COL3A1: variants seen among roughly 807,000 people sequenced by gnomAD.
COL3A1 encodes collagen type III alpha 1 chain.
Under a neutral mutation model 200.9 loss-of-function variants are expected in COL3A1, and 46 were observed. The ratio of observed to expected loss-of-function variants is 0.23; its 90% CI spans 0.18 to 0.29. The LOEUF (loss-of-function observed/expected upper bound fraction) is 0.29, where lower values mean the gene tolerates loss of function less well. COL3A1 is among the 10% of genes least tolerant of loss of function. COL3A1 has a pLI of 1.00. For synonymous variants in COL3A1, 650 were observed against 628.0 expected, an observed-to-expected ratio of 1.03 and a Z score of -0.52; for missense variants, 1,367 against 1,917.6, an observed-to-expected ratio of 0.71 and a Z score of 5.36.
intron 28 of COL3A1, 66 bp downstream of exon 28, chr2:188,998,385 A>G (rs1688376493): frequency 7.3e-7 from 1 of 1,362,506 alleles, no homozygotes; most frequent in African/African-American, 1.4e-5. Flanking sequence ...TTTGTCAACT[A>G]TTAACTTCTT....
chr2:189,008,268 C>T (rs920186890), intron 47 of COL3A1, 126 bp downstream of exon 47: 2 of 818,214 alleles, frequency 2.4e-6, no homozygotes, highest in East Asian at 5.3e-5. Context: ...AGAAACTGAA[C>T]AATGACTTTA....
At chr2:188,995,183 C>G (rs577800661) in intron 21 of COL3A1, 84 bp downstream of exon 21, 2 of 1,285,172 alleles carry the variant, frequency 1.6e-6, no homozygotes, top group East Asian at 4.7e-5. Context: ...TCATGAAAAC[C>G]TAAATATCTG....
At chr2:188,989,286 A>G (rs1688127142) in intron 7 of COL3A1, 110 bp from the exon 8 acceptor site, 1 of 738,474 alleles carries the variant, frequency 1.4e-6, no homozygotes, top group African/African-American at 1.8e-5. Flanking sequence ...CAGAAACATT[A>G]AAAGTATTTT....
In COL3A1 at chr2:189,011,638, G is replaced by A. The variant is rs1263018135; in HGVS notation, c.4265G>A (p.Gly1422Glu). 6.2e-7 allele frequency: 1 copy of A among 1,613,786 alleles called. No homozygotes were observed. Among genetic ancestry groups the A allele is most frequent in the African/African-American group, 1.3e-5 (1 of 74,884 alleles). Residue 1422 changes from glycine (G) to glutamate (E), a missense_variant, in exon 51 of 51, where the codon GGG (glycine) becomes GAG (glutamate). This residue lies in a region of COL3A1 where 846 missense variants were observed against 1,147.9 expected (regional missense o/e 0.74). Transcript: ENST00000304636. ...TGTCCTTTTTTACAGAAACACACTG[G>A]GGAATGGAGCAAAACAGTCTTTGAA... ...VLEDGCTKHT[G>E]EWSKTVFEYR...
At chr2:188,976,286 T>TG (rs146192798) in intron 1 of COL3A1, among the ~76,000 whole-genome samples, 9,642 of 152,060 alleles carry the variant, frequency 0.063, 324 homozygotes, top group African/African-American at 0.086. Context: ...CCAACTTTAG[T>TG]GGGGGGGTGT....
At chr2:188,996,096 T>A (rs1290192130) in intron 22 of COL3A1, 29 bp from the exon 23 acceptor site, 15 of 1,607,300 alleles carry the variant, frequency 9.3e-6, no homozygotes, top group African/African-American at 1.3e-5. Flanking sequence ...TCATTTTAAA[T>A]CACCTAACAA....
rs374452484 is a variant in COL3A1, at chr2:189,009,024, G to A, written c.3626G>A (p.Gly1209Glu). 1.9e-6 allele frequency: 3 copies of A among 1,614,178 alleles called. No individual in the cohort carries two copies. ...GVGAAAIAGI[G>E]GEKAGGFAPY... ...GGAGCCGCTGCCATTGCTGGGATTG[G>A]AGGTGAAAAAGCTGGCGGTTTTGCC... is the stretch of plus-strand genomic sequence containing the variant. Residue 1209 changes from glycine (G) to glutamate (E), a missense_variant, in exon 48 of 51, where the codon GGA becomes GAA. Physicochemically the swap from Gly to Glu is moderately conservative, Grantham distance 98. This residue lies in a region of COL3A1 where 846 missense variants were observed against 1,147.9 expected (regional missense o/e 0.74). Transcript: ENST00000304636.
chr2:188,988,129 T>G lies in COL3A1; in HGVS notation c.577T>G (p.Ser193Ala). 1.9e-6 allele frequency: 3 copies of G among 1,612,388 alleles called. No homozygotes were observed. In the East Asian group the frequency reaches 6.7e-5, roughly 36 times the overall value. The change falls in exon 6 of 51, where the codon TCC becomes GCC. Residue 193 changes from serine (S) to alanine (A), a missense_variant. By Grantham distance (99) the Ser-to-Ala change is moderately conservative. Coordinates refer to ENST00000304636, the MANE Select transcript of COL3A1 (RefSeq NM_000090.4). The stretch of plus-strand genomic sequence containing the variant: ...CCCTGGTACATCTGGTCATCCTGGT[T>G]CCCCTGTAAGTATAGCCATTGGTGG... ...GPPGTSGHPGSPGSPGYQGPP... is the reference protein window; with the variant it reads ...GPPGTSGHPGAPGSPGYQGPP...
Position 189,005,663 on chromosome 2 carries a change from G to T in COL3A1, c.3039+206G>T, listed in dbSNP as rs530568243. On this transcript the variant is annotated intron_variant, in intron 41 of 50. Transcript: ENST00000304636. ...GTATTTACCCAATGAATAATCATTT[G>T]TGGAGAAAATATTATCTCTAACTAA... is the stretch of plus-strand genomic sequence containing the variant. The T allele has an allele frequency of 4.6e-4, 297 of 640,820 alleles. 1 individual carries two copies. Among genetic ancestry groups the T allele is most frequent in the African/African-American group, 3.8e-3 (209 of 55,230 alleles). The allele number at this position is 640,820 out of a possible 1,614,324, so 39.7% of individuals were successfully genotyped here.
chr2:189,002,291 T>C lies in COL3A1; in HGVS notation c.2392-7T>C, dbSNP rs779560929. The C allele has an allele frequency of 6.2e-7, 1 of 1,613,352 alleles. No individual in the cohort carries two copies. The highest frequency in any genetic ancestry group is 2.2e-5 in the East Asian group (1 of 44,870). ...ACTGTGACTAAGGAGGATATTTTTC[T>C]CTTCAGGGTGAGAGAGGTGAAACTG... is the stretch of plus-strand genomic sequence containing the variant. On this transcript the variant is annotated splice_polypyrimidine_tract_variant and splice_region_variant and intron_variant, in intron 34 of 50. Coordinates refer to ENST00000304636, the MANE Select transcript of COL3A1 (RefSeq NM_000090.4).
At position 188,998,334 on chromosome 2, in the gene COL3A1, AT is replaced by A. The variant is rs759325658; in HGVS notation, c.1977+17del. On this transcript the variant is annotated intron_variant, in intron 28 of 50. Coordinates refer to ENST00000304636, the MANE Select transcript of COL3A1 (RefSeq NM_000090.4). ...CTGGGGAACCAGTAAGTTACGTTTC[AT>A]TATTCAAAACTCAGAAACAAAAAGA... 1 of 1,611,052 alleles carries A rather than the reference AT, an allele frequency of 6.2e-7. No individual in the cohort carries two copies. The highest frequency in any genetic ancestry group is 1.1e-5 in the South Asian group (1 of 90,766).
chr2:189,008,169 A>T (rs1330648999), intron 47 of COL3A1, 27 bp downstream of exon 47: 1 of 1,569,434 alleles, frequency 6.4e-7, no homozygotes, highest in African/African-American at 1.3e-5. Context: ...ACGTATGTGT[A>T]TTTAATTTGC....
Position 189,008,148 on chromosome 2 carries a change from A to T in COL3A1, c.3525+6A>T. 1.2e-6 allele frequency: 2 copies of T among 1,606,382 alleles called. No individual in the cohort carries two copies. Among genetic ancestry groups the T allele is most frequent in the Non-Finnish European group, 1.7e-6 (2 of 1,174,480 alleles). The stretch of plus-strand genomic sequence containing the variant: ...GAGGTGAAAGAGGATCTGAGGTAAG[A>T]CATCACTTATACGTATGTGTATTTA... On this transcript the variant is annotated splice_donor_region_variant and intron_variant, in intron 47 of 50. Coordinates refer to ENST00000304636, the MANE Select transcript of COL3A1 (RefSeq NM_000090.4).
Position 188,989,995 on chromosome 2 carries a change from G to A in COL3A1, c.691-101G>A, listed in dbSNP as rs1162727560. On this transcript the variant is annotated intron_variant, in intron 8 of 50. Coordinates refer to ENST00000304636, the MANE Select transcript of COL3A1 (RefSeq NM_000090.4). ...ATACATTTTGTGGAACCATTTTAATGAGTCCTTTGTGAGAAAAATGCAAAG... is the reference window on the plus strand; with the variant it reads ...ATACATTTTGTGGAACCATTTTAATAAGTCCTTTGTGAGAAAAATGCAAAG... 8.4e-6 allele frequency: 9 copies of A among 1,070,384 alleles called. No individual in the cohort carries two copies. The African/African-American group carries it at 1.2e-4, about 15-fold the overall frequency. The allele number at this position is 1,070,384 out of a possible 1,614,324, so 66.3% of individuals were successfully genotyped here.
At position 188,990,087 on chromosome 2, in the gene COL3A1, T is replaced by C. The variant is rs777795873; in HGVS notation, c.691-9T>C. The C allele has an allele frequency of 1.1e-5, 17 of 1,613,084 alleles. No individual in the cohort carries two copies. In the Admixed American group the frequency reaches 2.7e-4, roughly 25 times the overall value. ...TGAGCACCTACGTATTCTTTATTTC[T>C]CTACCTAGGGAGAATCAGGTAGACC... On this transcript the variant is annotated splice_polypyrimidine_tract_variant and intron_variant, in intron 8 of 50. Transcript: ENST00000304636.
chr2:188,992,191 G>A lies in COL3A1; in HGVS notation c.959G>A (p.Arg320Gln), dbSNP rs778179067. The A allele has an allele frequency of 1.4e-5, 22 of 1,613,858 alleles. No individual in the cohort carries two copies. The highest frequency in any genetic ancestry group is 9.9e-5 in the South Asian group (9 of 91,076). ...GTAAACTTCTCTTTTTAGGGTGCTC[G>A]GGGTAATGACGGTGCTCGAGGCAGT... ...RPGLPGAAGA[R>Q]GNDGARGSDG... is the part of the protein sequence containing the mutation. Residue 320 changes from arginine (R) to glutamine (Q), a missense_variant, in exon 14 of 51, where the codon CGG becomes CAG. This residue lies in a region of COL3A1 where 462 missense variants were observed against 681.4 expected (regional missense o/e 0.68). Transcript: ENST00000304636.
intron 16 of COL3A1, 113 bp downstream of exon 16, chr2:188,993,572 T>C (rs545815204): frequency 7.3e-6 from 7 of 961,350 alleles, no homozygotes; most frequent in African/African-American, 1.6e-5. Flanking sequence ...TCAGTGAAAA[T>C]TACTTTGAAA....
intron 1 of COL3A1, among the ~76,000 whole-genome samples, chr2:188,984,222 C>A (rs1222221840): frequency 2.6e-5 from 4 of 151,956 alleles, no homozygotes; most frequent in Admixed American, 6.6e-5. Context: ...ACATTCAATA[C>A]ACATAATAAG....
chr2:188,998,150 C>A, intron 27 of COL3A1, 116 bp from the exon 28 acceptor site: 1 of 939,642 alleles, frequency 1.1e-6, no homozygotes, highest in Non-Finnish European at 1.7e-6. Flanking sequence ...GTTTCTACCC[C>A]TACAAGACCA....
Sources: allele counts gnomAD v4.1 joint callset (sites outside exome capture counted in the v4.1 genomes callset), GRCh38; gene constraint gnomAD v4.1.1; regional missense constraint gnomAD v4.1.1; transcripts MANE v1.5; gene names NCBI Gene and HGNC (gene_info 2026-07-23, HGNC 2026-07-21).